HECTD4: variants seen among roughly 807,000 people sequenced by gnomAD.
HECTD4 encodes the protein probable E3 ubiquitin-protein ligase HECTD4.
Under a neutral mutation model 471.5 loss-of-function variants are expected in HECTD4, and 114 were observed. The ratio of observed to expected loss-of-function variants is 0.24; its 90% CI spans 0.21 to 0.28. HECTD4 has a LOEUF of 0.28. HECTD4 is among the 10% of genes least tolerant of loss of function. The pLI is 1.00. For missense variants in HECTD4, 3,866 were observed against 5,651.5 expected, an observed-to-expected ratio of 0.68 and a Z score of 10.13; for synonymous variants, 2,012 against 2,256.0, an observed-to-expected ratio of 0.89 and a Z score of 3.07.
At chr12:112,308,320 C>T (rs895307849) in intron 6 of HECTD4, among the ~76,000 whole-genome samples, 1 of 151,892 alleles carries the variant, frequency 6.6e-6, no homozygotes, top group African/African-American at 2.4e-5. Flanking sequence ...ATCCCTAGCA[C>T]ACAATGATTT....
intron 1 of HECTD4, among the ~76,000 whole-genome samples, chr12:112,333,307 A>T (rs559684355): frequency 1.3e-5 from 2 of 152,338 alleles, no homozygotes; most frequent in South Asian, 4.1e-4. Flanking sequence ...ACCATTTTAC[A>T]TTCCCACTAG....
In HECTD4 at chr12:112,373,927, C is replaced by G. The variant is rs564633091; in HGVS notation, c.177+8025G>C. ...GCTGAGGCAGGAGAACCACTTGAAC[C>G]CGGGAGGCGAAGGTTGCAGTGAGCT... On this transcript the variant is annotated intron_variant, in intron 1 of 75. Coordinates refer to ENST00000682272, the MANE Select transcript of HECTD4 (RefSeq NM_001388303.1). Among the ~76,000 whole-genome samples the G allele has an allele frequency of 1.8e-4, 27 of 151,754 alleles. No homozygotes were observed. In the South Asian group the frequency reaches 5.6e-3, roughly 32 times the overall value.
At chr12:112,314,657 T>C in intron 2 of HECTD4, 111 bp from the exon 3 acceptor site, 1 of 672,286 alleles carries the variant, frequency 1.5e-6, no homozygotes, top group East Asian at 2.7e-5. Context: ...TGTGTCTCTC[T>C]GCTTCTGCTG....
intron 44 of HECTD4, among the ~76,000 whole-genome samples, chr12:112,222,848 A>G (rs2033137774): frequency 6.6e-6 from 1 of 152,166 alleles, no homozygotes; most frequent in Non-Finnish European, 1.5e-5. Context: ...AACAAAAACA[A>G]AAGCAAAAAC....
intron 7 of HECTD4, among the ~76,000 whole-genome samples, chr12:112,298,153 AG>A (rs1224034549): frequency 6.6e-6 from 1 of 152,220 alleles, no homozygotes; most frequent in African/African-American, 2.4e-5. Flanking sequence ...AATGCCGTCA[AG>A]AGTTTCACTA....
In HECTD4 at chr12:112,243,584, G is replaced by A. The variant is rs1485151907; in HGVS notation, c.4791+36C>T. The A allele has an allele frequency of 1.9e-6, 3 of 1,604,210 alleles. No individual in the cohort carries two copies. In the African/African-American group the frequency reaches 4.0e-5, roughly 21 times the overall value. ...GCCGCAAGACCCCGCATGCTGTTAG[G>A]TGCTATTCATCTGGAGCCCGCAAAA... On this transcript the variant is annotated intron_variant, in intron 31 of 75. Transcript: ENST00000682272. This position sits in a 1 kb window ranked among gnomAD's most constrained non-coding sequence, Gnocchi z 6.6.
chr12:112,235,293 A>G lies in HECTD4; in HGVS notation c.5726-27T>C. ...TTTAAGCAAAAAACAAAGCTCATTC[A>G]GGAAAACTGCAGTGTTGTTTTGGCG... On this transcript the variant is annotated intron_variant, in intron 36 of 75. Coordinates refer to ENST00000682272, the MANE Select transcript of HECTD4 (RefSeq NM_001388303.1). The surrounding 1 kb of genome is among the most constrained non-coding windows in gnomAD (Gnocchi z 5.0). The G allele has an allele frequency of 1.3e-6, 2 of 1,595,682 alleles. No homozygotes were observed. Among genetic ancestry groups the G allele is most frequent in the East Asian group, 4.5e-5 (2 of 44,740 alleles).
In HECTD4 at chr12:112,166,543, C is replaced by G. The variant is rs931001664; in HGVS notation, c.12534+774G>C. 6.6e-6 allele frequency: 1 copy of G among 152,406 alleles called. No individual in the cohort carries two copies. Among genetic ancestry groups the G allele is most frequent in the Non-Finnish European group, 1.5e-5 (1 of 68,092 alleles). 9.4% of individuals were successfully genotyped at this position (152,406 alleles called of 1,614,324 possible). On this transcript the variant is annotated intron_variant, in intron 72 of 75. Coordinates refer to ENST00000682272, the MANE Select transcript of HECTD4 (RefSeq NM_001388303.1). This position sits in a 1 kb window ranked among gnomAD's most constrained non-coding sequence, Gnocchi z 4.6. ...GGATGGCTCTCTCAGCTGTAGGGCA[C>G]GTGGTGCTGGAGAGCCCGGAAGTCA...
chr12:112,284,265 G>A (rs1292972244), intron 7 of HECTD4, among the ~76,000 whole-genome samples: 2 of 152,108 alleles, frequency 1.3e-5, no homozygotes, highest in Non-Finnish European at 2.9e-5. Flanking sequence ...AAACCTTGGT[G>A]GCCCATTAAA....
chr12:112,182,920 T>C (rs890553574), intron 62 of HECTD4, 139 bp downstream of exon 62: 23 of 640,756 alleles, frequency 3.6e-5, no homozygotes, highest in Non-Finnish European at 5.7e-5. Context: ...CAGGAGTAGC[T>C]GCCAAATTTC....
At chr12:112,209,605 C>T (rs1035352680) in intron 50 of HECTD4, among the ~76,000 whole-genome samples, 2 of 152,246 alleles carry the variant, frequency 1.3e-5, no homozygotes, top group African/African-American at 4.8e-5. Flanking sequence ...GCATTACAGG[C>T]ATGAGCCACC....
In HECTD4 at chr12:112,308,846, C is replaced by A; in HGVS notation, c.1071G>T (p.Val357=). ...GGAGAAGACTGCCGCTGCCAAAAGCCACCCATCCTGGTTCCAACTCCTCGT... is the reference window on the plus strand; with the variant it reads ...GGAGAAGACTGCCGCTGCCAAAAGCAACCCATCCTGGTTCCAACTCCTCGT... ...CRNEELEPGW[V]AFGSGSLLHR... Residue 357 remains valine, a synonymous_variant, in exon 6 of 76, where the codon GTG becomes GTT. Transcript: ENST00000682272. 6.5e-7 allele frequency: 1 copy of A among 1,536,042 alleles called. No individual in the cohort carries two copies. Among genetic ancestry groups the A allele is most frequent in the Non-Finnish European group, 8.7e-7 (1 of 1,146,868 alleles).
chr12:112,248,601 G>A, intron 25 of HECTD4, 89 bp from the exon 26 acceptor site: 1 of 902,378 alleles, frequency 1.1e-6, no homozygotes, highest in Non-Finnish European at 1.6e-6. Flanking sequence ...TTTCTTTAGA[G>A]ACAAGGTCTC....
chr12:112,258,384 TC>T, intron 20 of HECTD4, 111 bp downstream of exon 20: 1 of 712,850 alleles, frequency 1.4e-6, no homozygotes, highest in South Asian at 2.9e-5. Flanking sequence ...GAAGTCTTTT[TC>T]TTTTCACAGC....
At chr12:112,348,461 T>C (rs562477018) in intron 1 of HECTD4, among the ~76,000 whole-genome samples, 18 of 152,288 alleles carry the variant, frequency 1.2e-4, no homozygotes, top group African/African-American at 3.4e-4. Flanking sequence ...TGGAGCATAA[T>C]CCTATTTTTA....
rs1566086598 is a variant in HECTD4, at chr12:112,248,173, TAATA to T, written c.4144-6_4144-3del. 1.2e-6 allele frequency: 2 copies of T among 1,608,556 alleles called. No individual in the cohort carries two copies. Among genetic ancestry groups the T allele is most frequent in the Non-Finnish European group, 1.7e-6 (2 of 1,176,334 alleles). ...TTTTTGTTCCAGTTCTGCAACACTC[TAATA>T]AATACATTAAAATAGATGCAAAATA... On this transcript the variant is annotated splice_polypyrimidine_tract_variant and splice_region_variant and intron_variant, in intron 26 of 75. Coordinates refer to ENST00000682272, the MANE Select transcript of HECTD4 (RefSeq NM_001388303.1).
At chr12:112,300,600 T>C (rs2135673808) in intron 7 of HECTD4, among the ~76,000 whole-genome samples, 1 of 152,280 alleles carries the variant, frequency 6.6e-6, no homozygotes. Flanking sequence ...TCCTGTATTG[T>C]TTCTTTTTTC....
rs755707964 is a variant in HECTD4, at chr12:112,243,777, AAC to A, written c.4650-18_4650-17del. On this transcript the variant is annotated splice_polypyrimidine_tract_variant and intron_variant, in intron 30 of 75. Coordinates refer to ENST00000682272, the MANE Select transcript of HECTD4 (RefSeq NM_001388303.1). The surrounding 1 kb of genome is among the most constrained non-coding windows in gnomAD (Gnocchi z 6.6). ...GTGGCGACGCCTACGGGGAACACAG[AAC>A]AGACTGGCAAGACGAGAAACACACT... 6.2e-7 allele frequency: 1 copy of A among 1,611,530 alleles called. No homozygotes were observed. The highest frequency in any genetic ancestry group is 1.7e-5 in the Admixed American group (1 of 59,884).
At chr12:112,270,510 C>A in intron 11 of HECTD4, 51 bp from the exon 12 acceptor site, 2 of 1,444,108 alleles carry the variant, frequency 1.4e-6, no homozygotes, top group Non-Finnish European at 1.9e-6. Flanking sequence ...TATGGGTGGT[C>A]CCCAAAGAAT....
Sources: allele counts gnomAD v4.1 joint callset (sites outside exome capture counted in the v4.1 genomes callset), GRCh38; gene constraint gnomAD v4.1.1; non-coding constraint Gnocchi (gnomAD v3.1); transcripts MANE v1.5; gene names NCBI Gene and HGNC (gene_info 2026-07-23, HGNC 2026-07-21).